The following IL34 variants were observed in gnomAD, a reference collection of about 807,000 sequenced individuals.
IL34 encodes interleukin 34.
In IL34, 17 loss-of-function variants were observed where a neutral mutation model predicts 25.3. The ratio of observed to expected loss-of-function variants is 0.67; its 90% CI spans 0.46 to 1.01. The LOEUF (loss-of-function observed/expected upper bound fraction) is 1.01. IL34 is among the 50% of genes least tolerant of loss of function. The pLI is 0.00. For synonymous variants in IL34, 174 were observed against 140.9 expected, an observed-to-expected ratio of 1.23 and a Z score of -1.66; for missense variants, 368 against 312.9, an observed-to-expected ratio of 1.18 and a Z score of -1.33.
Position 70,660,374 on chromosome 16 carries a change from C to CT in IL34, c.*187_*188insT, listed in dbSNP as rs2052376119. The CT allele has an allele frequency of 1.8e-6, 1 of 558,942 alleles. No individual in the cohort carries two copies. The highest frequency in any genetic ancestry group is 3.0e-6 in the Non-Finnish European group (1 of 329,430). 34.6% of individuals were successfully genotyped at this position (558,942 alleles called of 1,614,324 possible). A position where few individuals can be genotyped will look rare whatever the true frequency, so the allele number is the denominator to read the frequency against. On this transcript the variant is annotated 3_prime_UTR_variant, in exon 6 of 6. Coordinates refer to ENST00000288098, the MANE Select transcript of IL34 (RefSeq NM_001393494.1). ...TCAGCTTCCTGCCTTCCATAGCTGT[C>CT]ATGGCCTCACCTGGAGCGGAGGGGA...
chr16:70,614,467 T>G (rs970371667), intron 1 of IL34, among the ~76,000 whole-genome samples: 17 of 152,196 alleles, frequency 1.1e-4, no homozygotes, highest in African/African-American at 4.1e-4. Flanking sequence ...CAGGTGGTTC[T>G]TAAGCCCGCT....
intron 1 of IL34, among the ~76,000 whole-genome samples, chr16:70,635,413 A>G (rs2051618722): frequency 6.6e-6 from 1 of 152,220 alleles, no homozygotes; most frequent in Admixed American, 6.5e-5. Flanking sequence ...GCTCTCAGGA[A>G]GCACAAAGGC....
At chr16:70,600,358 G>A (rs956671397) in intron 1 of IL34, among the ~76,000 whole-genome samples, 2 of 152,086 alleles carry the variant, frequency 1.3e-5, no homozygotes, top group African/African-American at 4.8e-5. Context: ...CTCTGGATTG[G>A]CCTTGAAGAT....
intron 4 of IL34, 78 bp downstream of exon 4, chr16:70,657,199 G>A: frequency 6.9e-7 from 1 of 1,451,580 alleles, no homozygotes; most frequent in Non-Finnish European, 9.4e-7. Context: ...TGTGGCCAAA[G>A]GCTAGTGAGG....
chr16:70,620,694 C>A (rs897599818), intron 1 of IL34, among the ~76,000 whole-genome samples: 3 of 151,076 alleles, frequency 2.0e-5, no homozygotes, highest in Admixed American at 6.6e-5. Context: ...GCACCTCAGA[C>A]CTTCTGCGTA....
At chr16:70,646,390 G>T (rs1049954800), upstream of IL34, among the ~76,000 whole-genome samples, 1 of 152,256 alleles carries the variant, frequency 6.6e-6, no homozygotes, top group South Asian at 2.1e-4. Flanking sequence ...GGCCAGGGCC[G>T]TTCGGACATC....
intron 1 of IL34, among the ~76,000 whole-genome samples, chr16:70,588,619 C>T (rs2050719710): frequency 6.6e-6 from 1 of 152,154 alleles, no homozygotes. Flanking sequence ...TTCATAGCAG[C>T]ATCAATCGTA....
At chr16:70,604,133 A>G (rs953375721) in intron 1 of IL34, among the ~76,000 whole-genome samples, 8 of 152,248 alleles carry the variant, frequency 5.3e-5, no homozygotes, top group African/African-American at 1.9e-4. Flanking sequence ...TTTGGAAGAT[A>G]TAACAGCAAA....
rs150496609 is a variant in IL34 at position 70,640,178 on chromosome 16, A to G, written c.-400-6370A>G. The stretch of plus-strand genomic sequence containing the variant: ...TTGCTTTGAGACAGGGTCTCACTCT[A>G]TCACCCAGGCTGGAGTGCAGTGGTG... On this transcript the variant is annotated intron_variant, in intron 1 of 6. Transcript: ENST00000429149. 4.3e-3 allele frequency among the ~76,000 whole-genome samples: 648 copies of G among 152,146 alleles called. 6 individuals are homozygous for G. The highest frequency in any genetic ancestry group is 0.015 in the African/African-American group (620 of 41,528).
intron 1 of IL34, among the ~76,000 whole-genome samples, chr16:70,598,072 C>A (rs1167909348): frequency 6.6e-6 from 1 of 152,186 alleles, no homozygotes; most frequent in Admixed American, 6.5e-5. Context: ...TCTCAAACTC[C>A]TGACCTCAGG....
intron 1 of IL34, among the ~76,000 whole-genome samples, chr16:70,611,715 G>C (rs749067258): frequency 1.3e-5 from 2 of 151,972 alleles, no homozygotes; most frequent in African/African-American, 2.4e-5. Flanking sequence ...ATGGTGGCAG[G>C]CACCTGTAAT....
At chr16:70,649,880 C>A (rs779626770) in intron 1 of IL34, among the ~76,000 whole-genome samples, 1 of 152,216 alleles carries the variant, frequency 6.6e-6, no homozygotes, top group Non-Finnish European at 1.5e-5. Context: ...CTCACTGCAT[C>A]CTCTGCCTCT....
chr16:70,628,182 A>G lies in IL34; in HGVS notation c.-400-18366A>G, dbSNP rs563064080. Among the ~76,000 whole-genome samples, 3 of 152,262 alleles carry G rather than the reference A, an allele frequency of 2.0e-5. No individual in the cohort carries two copies. The South Asian group carries it at 6.2e-4, about 32-fold the overall frequency. Reference sequence around the variant, plus strand: ...TAATTGTGGTCGAGCACCTTATTATATATTTATTGGCCATTTAAATATACT... The same window carrying G: ...TAATTGTGGTCGAGCACCTTATTATGTATTTATTGGCCATTTAAATATACT... On this transcript the variant is annotated intron_variant, in intron 1 of 6. Coordinates refer to the IL34 transcript ENST00000429149.
intron 1 of IL34, among the ~76,000 whole-genome samples, chr16:70,604,368 G>C (rs770432596): frequency 1.3e-5 from 2 of 152,170 alleles, no homozygotes; most frequent in African/African-American, 2.4e-5. Context: ...TGGCCCCATC[G>C]AATTTGAGGA....
intron 1 of IL34, among the ~76,000 whole-genome samples, chr16:70,648,893 C>T (rs1405944734): frequency 1.3e-5 from 2 of 152,202 alleles, no homozygotes; most frequent in African/African-American, 4.8e-5. Context: ...CCTCTTCCAG[C>T]TCCTGGTGGC....
intron 1 of IL34, among the ~76,000 whole-genome samples, chr16:70,582,474 C>G (rs1209082082): frequency 9.9e-5 from 15 of 152,252 alleles, no homozygotes; most frequent in Non-Finnish European, 1.5e-5. Context: ...GGATTCCGGT[C>G]CTGGCCACAC....
chr16:70,615,371 G>A (rs1332102785), intron 1 of IL34, among the ~76,000 whole-genome samples: 1 of 152,124 alleles, frequency 6.6e-6, no homozygotes, highest in African/African-American at 2.4e-5. Flanking sequence ...GCTGGGCGTG[G>A]TGGTGCTCAC....
chr16:70,654,149 C>T (rs1597780792), intron 1 of IL34: 2 of 163,894 alleles, frequency 1.2e-5, no homozygotes, highest in African/African-American at 2.4e-5. Flanking sequence ...TCCTGAATGC[C>T]GGGCTGGAAA....
upstream of IL34, among the ~76,000 whole-genome samples, chr16:70,644,466 GA>G (rs1490551985): frequency 6.6e-6 from 1 of 151,986 alleles, no homozygotes; most frequent in Non-Finnish European, 1.5e-5. Flanking sequence ...ATAAAGGAAT[GA>G]ATTTTTTGGG....
Sources: allele counts gnomAD v4.1 joint callset (sites outside exome capture counted in the v4.1 genomes callset), GRCh38; gene constraint gnomAD v4.1.1; transcripts MANE v1.5; gene names NCBI Gene and HGNC (gene_info 2026-07-23, HGNC 2026-07-21).